TAF4B: variants seen among roughly 807,000 people sequenced by gnomAD.
TAF4B encodes TATA-box binding protein associated factor 4b, also known as transcription initiation factor TFIID subunit 4B.
TAF4B carries 38 observed loss-of-function variants against 86.4 expected under a neutral mutation model. That is an observed-to-expected ratio of 0.44 (90% CI 0.34 to 0.58). TAF4B has a LOEUF of 0.58. Ranked by LOEUF, TAF4B falls within the 20% of genes least tolerant of loss-of-function variation. TAF4B has a pLI of 0.02. For missense variants in TAF4B, 988 were observed against 1,027.6 expected (o/e 0.96, Z 0.53); for synonymous variants, 388 against 391.2 (o/e 0.99, Z 0.10).
chr18:26,254,019 G>A (rs1189871164), intron 1 of TAF4B, among the ~76,000 whole-genome samples: 2 of 150,820 alleles, frequency 1.3e-5, no homozygotes, highest in African/African-American at 4.9e-5. Flanking sequence ...TCTGCCTCCC[G>A]GGTTCAAGCG....
intron 10 of TAF4B, among the ~76,000 whole-genome samples, chr18:26,315,897 G>A (rs1414990373): frequency 6.6e-6 from 1 of 152,100 alleles, no homozygotes; most frequent in Admixed American, 6.6e-5. Context: ...TAGCTGCAGT[G>A]TGAAAGAAAA....
intron 9 of TAF4B, among the ~76,000 whole-genome samples, chr18:26,299,838 T>C (rs2056709743): frequency 6.6e-6 from 1 of 152,206 alleles, no homozygotes; most frequent in African/African-American, 2.4e-5. Flanking sequence ...TTCTTTTGAA[T>C]GTGTATAGAT....
At chr18:26,290,756 A>C (rs1274435735) in intron 7 of TAF4B, among the ~76,000 whole-genome samples, 1 of 152,190 alleles carries the variant, frequency 6.6e-6, no homozygotes, top group African/African-American at 2.4e-5. Context: ...TTTGAATATT[A>C]CTGTCTTTCA....
intron 1 of TAF4B, among the ~76,000 whole-genome samples, chr18:26,249,036 G>T (rs2055963795): frequency 6.6e-6 from 1 of 151,786 alleles, no homozygotes. Context: ...GCTGGGCGTG[G>T]TGGTACGTGC....
intron 1 of TAF4B, among the ~76,000 whole-genome samples, chr18:26,254,282 A>G (rs985676201): frequency 1.3e-5 from 2 of 151,560 alleles, no homozygotes; most frequent in Admixed American, 1.3e-4. Flanking sequence ...CATTCTAGGT[A>G]AAGGTTTGTC....
chr18:26,333,822 G>A (rs529905525), intron 12 of TAF4B, among the ~76,000 whole-genome samples: 2 of 151,964 alleles, frequency 1.3e-5, no homozygotes, highest in African/African-American at 4.8e-5. Flanking sequence ...TTCTTAAAAT[G>A]TAAGTTACTT....
intron 1 of TAF4B, among the ~76,000 whole-genome samples, chr18:26,246,015 T>C (rs971827011): frequency 3.9e-5 from 6 of 152,208 alleles, no homozygotes; most frequent in African/African-American, 1.4e-4. Context: ...AGAAGTGGAA[T>C]TGTTGGTTCA....
chr18:26,361,774 A>G (rs905091390), intron 14 of TAF4B, among the ~76,000 whole-genome samples: 1 of 151,660 alleles, frequency 6.6e-6, no homozygotes, highest in South Asian at 2.1e-4. Context: ...AAGTATGGAA[A>G]AATTAGTTCA....
At chr18:26,295,211 G>C (rs750157216) in intron 9 of TAF4B, 21 of 406,728 alleles carry the variant, frequency 5.2e-5, no homozygotes, top group South Asian at 3.8e-4. Context: ...TTTTATATGC[G>C]TATATTAAAA....
chr18:26,296,748 T>C (rs1165292256), intron 9 of TAF4B, among the ~76,000 whole-genome samples: 3 of 152,226 alleles, frequency 2.0e-5, no homozygotes, highest in Non-Finnish European at 4.4e-5. Flanking sequence ...CCTCAGGTTC[T>C]GCACAACCAT....
chr18:26,304,996 A>G, intron 9 of TAF4B: 2 of 594,558 alleles, frequency 3.4e-6, no homozygotes, highest in Non-Finnish European at 4.2e-6. Flanking sequence ...CATTGTAAGT[A>G]TTTTTCTCCT....
intron 9 of TAF4B, among the ~76,000 whole-genome samples, chr18:26,298,475 G>A (rs139168986): frequency 0.019 from 2,905 of 152,042 alleles, 80 homozygotes; most frequent in African/African-American, 0.067. Context: ...CTTGTGATCC[G>A]CCCTTCTCGG....
chr18:26,377,613 G>C (rs2144367249), intron 14 of TAF4B, among the ~76,000 whole-genome samples: 1 of 152,322 alleles, frequency 6.6e-6, no homozygotes, highest in East Asian at 1.9e-4. Context: ...AGATTTAGTT[G>C]TTTGCTACTA....
chr18:26,358,859 C>A (rs1311511339), intron 14 of TAF4B, among the ~76,000 whole-genome samples: 1 of 152,214 alleles, frequency 6.6e-6, no homozygotes, highest in African/African-American at 2.4e-5. Context: ...GAATTTAAAT[C>A]TACTTTGAGG....
At chr18:26,323,665 A>C (rs1401299931) in intron 11 of TAF4B, among the ~76,000 whole-genome samples, 1 of 152,018 alleles carries the variant, frequency 6.6e-6, no homozygotes, top group Non-Finnish European at 1.5e-5. Context: ...CTTCTTGATG[A>C]ATTGACCTTT....
At chr18:26,340,582 T>G (rs2057128316) in intron 13 of TAF4B, among the ~76,000 whole-genome samples, 1 of 152,184 alleles carries the variant, frequency 6.6e-6, no homozygotes, top group Non-Finnish European at 1.5e-5. Context: ...TAAAATTATC[T>G]GGAGAGCTTG....
At chr18:26,296,302 A>C (rs1254408299) in intron 9 of TAF4B, among the ~76,000 whole-genome samples, 1 of 152,062 alleles carries the variant, frequency 6.6e-6, no homozygotes, top group East Asian at 1.9e-4. Context: ...AAGAATCTGC[A>C]CATTTCAGTC....
intron 9 of TAF4B, among the ~76,000 whole-genome samples, chr18:26,307,041 G>A (rs1221308410): frequency 3.3e-5 from 5 of 151,856 alleles, no homozygotes; most frequent in African/African-American, 9.7e-5. Context: ...CACCTGCCTC[G>A]GCCTCCCAAA....
intron 1 of TAF4B, among the ~76,000 whole-genome samples, chr18:26,236,433 G>A (rs889364346): frequency 1.3e-5 from 2 of 152,170 alleles, no homozygotes; most frequent in African/African-American, 4.8e-5. Context: ...CAGTGAGGAT[G>A]ATGACATGAG....
Sources: gnomAD v4.1 joint callset for allele counts (sites outside exome capture counted in the v4.1 genomes callset) on GRCh38, gnomAD v4.1.1 for gene constraint, MANE v1.5 for transcripts, NCBI Gene and HGNC (gene_info 2026-07-23, HGNC 2026-07-21) for gene names.